The following CDH8 variants were observed in gnomAD, a reference collection of about 807,000 sequenced individuals.
CDH8 encodes cadherin 8.
Under a neutral mutation model 68.1 loss-of-function variants are expected in CDH8, and 17 were observed. The observed-to-expected ratio is 0.25, with a 90% CI of 0.17 to 0.37. CDH8 has a LOEUF of 0.37. Among genes scored for constraint, CDH8 ranks in the 10% least tolerant of loss-of-function variants. The pLI is 1.00. For missense variants in CDH8, 763 were observed against 999.3 expected, an observed-to-expected ratio of 0.76 and a Z score of 3.19; for synonymous variants, 372 against 365.1, an observed-to-expected ratio of 1.02 and a Z score of -0.21.
chr16:61,695,812 T>G (rs1301669046), intron 10 of CDH8, among the ~76,000 whole-genome samples: 1 of 152,018 alleles, frequency 6.6e-6, no homozygotes, highest in East Asian at 1.9e-4. Flanking sequence ...ATGGATACAG[T>G]TTTTAGAGTT....
chr16:61,990,672 T>C (rs1319758697), intron 2 of CDH8, among the ~76,000 whole-genome samples: 1 of 152,032 alleles, frequency 6.6e-6, no homozygotes, highest in East Asian at 1.9e-4. Flanking sequence ...AAAAATTAAA[T>C]AATTTAGCCA....
intron 7 of CDH8, among the ~76,000 whole-genome samples, chr16:61,815,326 T>G (rs1360473676): frequency 6.6e-6 from 1 of 152,212 alleles, no homozygotes; most frequent in Non-Finnish European, 1.5e-5. Flanking sequence ...GCAACTACAA[T>G]GAGAATCTTC....
chr16:61,833,351 A>G (rs909610440), intron 4 of CDH8, among the ~76,000 whole-genome samples: 2 of 151,742 alleles, frequency 1.3e-5, no homozygotes, highest in Non-Finnish European at 2.9e-5. Flanking sequence ...AGATTCACAC[A>G]TATGTAAATA....
intron 10 of CDH8, among the ~76,000 whole-genome samples, chr16:61,708,818 G>A (rs1360210610): frequency 6.6e-6 from 1 of 152,136 alleles, no homozygotes; most frequent in African/African-American, 2.4e-5. Context: ...CACACCTCCT[G>A]TTTCATGCAA....
chr16:61,938,392 G>A (rs776505088), intron 2 of CDH8, among the ~76,000 whole-genome samples: 1 of 152,090 alleles, frequency 6.6e-6, no homozygotes, highest in Non-Finnish European at 1.5e-5. Flanking sequence ...TTAATGAGAA[G>A]CCCCACCATC....
intron 2 of CDH8, among the ~76,000 whole-genome samples, chr16:62,011,177 C>A (rs1310795910): frequency 6.6e-6 from 1 of 152,186 alleles, no homozygotes; most frequent in African/African-American, 2.4e-5. Context: ...TATTTTGCTA[C>A]TGCCTTCCAT....
At chr16:61,985,232 T>C (rs765207020) in intron 2 of CDH8, among the ~76,000 whole-genome samples, 1 of 152,122 alleles carries the variant, frequency 6.6e-6, no homozygotes, top group Non-Finnish European at 1.5e-5. Context: ...TAAATAGCCC[T>C]CTAAGAAAGC....
chr16:61,942,731 C>T (rs1402402465), intron 2 of CDH8, among the ~76,000 whole-genome samples: 1 of 152,154 alleles, frequency 6.6e-6, no homozygotes, highest in Non-Finnish European at 1.5e-5. Context: ...TCCCCCTTTT[C>T]TTTCCATAGT....
intron 8 of CDH8, among the ~76,000 whole-genome samples, chr16:61,767,646 T>G (rs1960627757): frequency 6.6e-6 from 1 of 152,062 alleles, no homozygotes; most frequent in East Asian, 1.9e-4. Context: ...GTCAGTCACC[T>G]TGCTAGGTTC....
intron 3 of CDH8, among the ~76,000 whole-genome samples, chr16:61,876,150 C>T (rs1361204484): frequency 1.3e-5 from 2 of 152,140 alleles, no homozygotes; most frequent in Non-Finnish European, 2.9e-5. Context: ...ACTGGAATTA[C>T]AGGTGTGAGC....
intron 10 of CDH8, among the ~76,000 whole-genome samples, chr16:61,681,198 T>C (rs1036553269): frequency 6.6e-6 from 1 of 151,844 alleles, no homozygotes; most frequent in African/African-American, 2.4e-5. Flanking sequence ...TAAATGAAAA[T>C]ATGTCCACAT....
intron 10 of CDH8, among the ~76,000 whole-genome samples, chr16:61,656,928 T>C (rs1460825693): frequency 6.6e-6 from 1 of 152,178 alleles, no homozygotes; most frequent in Non-Finnish European, 1.5e-5. Context: ...CTCATGTTGA[T>C]TACTGAAAGA....
chr16:61,800,897 G>T (rs1174934767), intron 7 of CDH8, among the ~76,000 whole-genome samples: 1 of 152,136 alleles, frequency 6.6e-6, no homozygotes, highest in Non-Finnish European at 1.5e-5. Flanking sequence ...TAAAGGTTTA[G>T]TTAAAATGAC....
chr16:61,746,056 G>T (rs1373654673), intron 8 of CDH8, among the ~76,000 whole-genome samples: 1 of 151,940 alleles, frequency 6.6e-6, no homozygotes, highest in Non-Finnish European at 1.5e-5. Context: ...TACTTCTAGG[G>T]TCCATTATTT....
At chr16:61,957,432 A>G (rs1262981376) in intron 2 of CDH8, among the ~76,000 whole-genome samples, 1 of 152,218 alleles carries the variant, frequency 6.6e-6, no homozygotes, top group Non-Finnish European at 1.5e-5. Context: ...TTTCTGTCAG[A>G]GTCACAGTTT....
At chr16:61,839,169 T>C (rs574905335) in intron 4 of CDH8, among the ~76,000 whole-genome samples, 3 of 152,254 alleles carry the variant, frequency 2.0e-5, no homozygotes, top group South Asian at 2.1e-4. Context: ...CATTGTATCA[T>C]AGATAGGCAG....
intron 10 of CDH8, among the ~76,000 whole-genome samples, chr16:61,663,780 C>T (rs144895524): frequency 5.9e-4 from 89 of 151,178 alleles, no homozygotes; most frequent in African/African-American, 1.9e-3. Flanking sequence ...TTCCTGTTAC[C>T]GAACAAAACC....
At chr16:61,667,491 T>G (rs575621643) in intron 10 of CDH8, 4 of 152,124 alleles carry the variant, frequency 2.6e-5, no homozygotes, top group Non-Finnish European at 5.9e-5. Context: ...AATATCTGCA[T>G]GATTGTCATT....
In CDH8 at chr16:61,974,201, A is replaced by G. The variant is rs112448094; in HGVS notation, c.252+46951T>C. Among the ~76,000 whole-genome samples, 193 of 152,318 alleles carry G rather than the reference A, an allele frequency of 1.3e-3. 1 individual carries two copies. The highest frequency in any genetic ancestry group is 4.3e-3 in the African/African-American group (180 of 41,576). On this transcript the variant is annotated intron_variant, in intron 2 of 11. Transcript: ENST00000577390. ...AGTGAAAAAATATATTTAGTGTTCT[A>G]TGGAAAAAAAAGCTTTTGGAAAAGG...
Sources: gnomAD v4.1 joint callset for allele counts (sites outside exome capture counted in the v4.1 genomes callset) on GRCh38, gnomAD v4.1.1 for gene constraint, MANE v1.5 for transcripts, NCBI Gene and HGNC (gene_info 2026-07-23, HGNC 2026-07-21) for gene names.